IMMP2L: variants seen among roughly 807,000 people sequenced by gnomAD.
IMMP2L encodes the protein inner mitochondrial membrane peptidase subunit 2.
Under a neutral mutation model 19.3 loss-of-function variants are expected in IMMP2L, and 18 were observed. The ratio of observed to expected loss-of-function variants is 0.93; its 90% CI spans 0.64 to 1.38. IMMP2L has a LOEUF of 1.38. Ranked by LOEUF, IMMP2L falls within the 40% of genes most tolerant of loss-of-function variation. The pLI, the probability that IMMP2L is intolerant of heterozygous loss-of-function variation, is 0.00. For synonymous variants in IMMP2L, 76 were observed against 73.0 expected (o/e 1.04, Z -0.21); for missense variants, 233 against 218.2 (o/e 1.07, Z -0.43).
At chr7:110,875,805 T>A (rs926145142) in intron 5 of IMMP2L, among the ~76,000 whole-genome samples, 1 of 152,134 alleles carries the variant, frequency 6.6e-6, no homozygotes, top group Admixed American at 6.6e-5. Context: ...TCTAAGTAGG[T>A]CCTAGTTAAT....
intron 3 of IMMP2L, among the ~76,000 whole-genome samples, chr7:111,300,852 A>T (rs574605772): frequency 1.3e-5 from 2 of 152,300 alleles, no homozygotes; most frequent in Non-Finnish European, 2.9e-5. Flanking sequence ...GTTGCAGAAC[A>T]TTCAGGATGT....
At position 111,279,037 on chromosome 7, in the gene IMMP2L, T is replaced by G. The variant is rs191718526; in HGVS notation, c.239+208201A>C. Among the ~76,000 whole-genome samples, 484 of 152,248 alleles carry G rather than the reference T, an allele frequency of 3.2e-3. 3 individuals carry two copies. Among genetic ancestry groups the G allele is most frequent in the Non-Finnish European group, 5.2e-3 (353 of 67,990 alleles). Reference sequence around the variant, plus strand: ...CATAAAAATCAATTAACCTAAGTAGTCTATTGAGAGCAGGTCCTCTGTGCA... The same window carrying G: ...CATAAAAATCAATTAACCTAAGTAGGCTATTGAGAGCAGGTCCTCTGTGCA... On this transcript the variant is annotated intron_variant, in intron 3 of 5. Coordinates refer to ENST00000405709, the MANE Select transcript of IMMP2L (RefSeq NM_032549.4).
intron 5 of IMMP2L, among the ~76,000 whole-genome samples, chr7:110,751,923 T>C (rs1392024201): frequency 6.6e-6 from 1 of 152,014 alleles, no homozygotes; most frequent in Non-Finnish European, 1.5e-5. Context: ...TTCTAGAATT[T>C]AGAACCCACA....
chr7:111,225,029 C>T (rs1266677667), intron 3 of IMMP2L, among the ~76,000 whole-genome samples: 1 of 152,114 alleles, frequency 6.6e-6, no homozygotes, highest in East Asian at 1.9e-4. Flanking sequence ...TAAGGAACAG[C>T]ACTCCTGGTT....
At chr7:111,302,195 T>C (rs1332639553) in intron 3 of IMMP2L, among the ~76,000 whole-genome samples, 1 of 152,052 alleles carries the variant, frequency 6.6e-6, no homozygotes, top group Non-Finnish European at 1.5e-5. Context: ...AACTAAAATG[T>C]TACCTCCTAA....
chr7:111,446,105 T>TGCAAGGCGGCTGCAAGGCGGCA (rs1554502557), intron 3 of IMMP2L, among the ~76,000 whole-genome samples: 1 of 151,652 alleles, frequency 6.6e-6, no homozygotes, highest in Non-Finnish European at 1.5e-5. Flanking sequence ...GAGATCAAAC[T>TGCAAGGCGGCTGCAAGGCGGCA]GCAAGGCGGC....
In IMMP2L at chr7:110,801,748, C is replaced by A. The variant is rs539137292; in HGVS notation, c.408+84845G>T. Among the ~76,000 whole-genome samples the A allele has an allele frequency of 1.7e-4, 26 of 152,128 alleles. 1 individual carries two copies. The South Asian group carries it at 2.9e-3, about 17-fold the overall frequency. On this transcript the variant is annotated intron_variant, in intron 5 of 5. Transcript: ENST00000405709. Reference sequence around the variant, plus strand: ...AAATGGAAAATACTGAGGTCCTGTACACAGGCACTGGTAAGGTATGAATTC... The same window carrying A: ...AAATGGAAAATACTGAGGTCCTGTAAACAGGCACTGGTAAGGTATGAATTC...
intron 3 of IMMP2L, among the ~76,000 whole-genome samples, chr7:111,281,156 CAGAAAGAAAGAAAGAAAGAA>C (rs1157660179): frequency 0.047 from 3,202 of 67,626 alleles, 94 homozygotes; most frequent in Non-Finnish European, 0.051. Flanking sequence ...GACAGAAAGA[CAGAAAGAAAGAAAGAAAGAA>C]AGAAAGAAAG....
intron 3 of IMMP2L, among the ~76,000 whole-genome samples, chr7:111,062,752 G>A (rs532583589): frequency 1.3e-5 from 2 of 152,282 alleles, no homozygotes; most frequent in African/African-American, 4.8e-5. Context: ...TCAAAATCCA[G>A]CAGAGCAGTC....
chr7:110,904,790 G>T (rs918452788), intron 4 of IMMP2L, among the ~76,000 whole-genome samples: 1 of 152,120 alleles, frequency 6.6e-6, no homozygotes, highest in African/African-American at 2.4e-5. Context: ...GCTAAATTGC[G>T]ATTTGTCAGT....
At chr7:111,530,165 T>G (rs1847258424) in intron 1 of IMMP2L, among the ~76,000 whole-genome samples, 1 of 152,120 alleles carries the variant, frequency 6.6e-6, no homozygotes, top group Non-Finnish European at 1.5e-5. Context: ...TAAGCAAAAT[T>G]TTTCATCTGT....
chr7:110,906,675 A>G (rs1216319759), intron 4 of IMMP2L, among the ~76,000 whole-genome samples: 2 of 152,024 alleles, frequency 1.3e-5, no homozygotes, highest in Non-Finnish European at 2.9e-5. Context: ...AAGTTATTTA[A>G]CCACTACTTA....
chr7:111,267,271 T>C (rs947229407), intron 3 of IMMP2L, among the ~76,000 whole-genome samples: 1 of 152,106 alleles, frequency 6.6e-6, no homozygotes, highest in African/African-American at 2.4e-5. Context: ...TAAAAAAACA[T>C]AGTGATTTAG....
chr7:111,453,510 G>C (rs1839408648), intron 3 of IMMP2L, among the ~76,000 whole-genome samples: 1 of 152,124 alleles, frequency 6.6e-6, no homozygotes, highest in Non-Finnish European at 1.5e-5. Context: ...TTGTAAATTG[G>C]AGCATTGTTT....
chr7:110,684,462 C>CA (rs1180726182), intron 5 of IMMP2L, among the ~76,000 whole-genome samples: 1 of 152,002 alleles, frequency 6.6e-6, no homozygotes, highest in Non-Finnish European at 1.5e-5. Context: ...TCCACTGACT[C>CA]AGATAGTTCA....
chr7:111,434,476 T>C (rs1337073045), intron 3 of IMMP2L, among the ~76,000 whole-genome samples: 2 of 151,700 alleles, frequency 1.3e-5, no homozygotes, highest in Non-Finnish European at 2.9e-5. Context: ...AATAACCCCA[T>C]TAAAAAGTGG....
At chr7:111,486,432 T>C (rs1428392308) in intron 3 of IMMP2L, among the ~76,000 whole-genome samples, 1 of 152,176 alleles carries the variant, frequency 6.6e-6, no homozygotes, top group Non-Finnish European at 1.5e-5. Context: ...GTAGCAGGTT[T>C]TTACTGTCTC....
intron 3 of IMMP2L, among the ~76,000 whole-genome samples, chr7:111,016,659 T>C (rs1825619840): frequency 9.3e-6 from 1 of 107,448 alleles, no homozygotes; most frequent in Non-Finnish European, 1.7e-5. Context: ...CATATATACA[T>C]ATATTAAACA....
At chr7:111,119,533 A>T (rs1586401283) in intron 3 of IMMP2L, among the ~76,000 whole-genome samples, 1 of 152,344 alleles carries the variant, frequency 6.6e-6, no homozygotes, top group East Asian at 1.9e-4. Context: ...ATTCCTTTGT[A>T]TTAGCCTGAA....
Sources: allele counts gnomAD v4.1 joint callset (sites outside exome capture counted in the v4.1 genomes callset), GRCh38; gene constraint gnomAD v4.1.1; transcripts MANE v1.5; gene names NCBI Gene and HGNC (gene_info 2026-07-23, HGNC 2026-07-21).